Variants in NPAS3 observed in about 807,000 individuals in gnomAD.
NPAS3 encodes the protein neuronal PAS domain-containing protein 3.
In NPAS3, 14 loss-of-function variants were observed where a neutral mutation model predicts 73.1. The ratio of observed to expected loss-of-function variants is 0.19; its 90% CI spans 0.13 to 0.30. The LOEUF (loss-of-function observed/expected upper bound fraction) is 0.30, where lower values mean the gene tolerates loss of function less well. Ranked by LOEUF, NPAS3 falls within the 10% of genes least tolerant of loss-of-function variation. The pLI, the probability that NPAS3 is intolerant of heterozygous loss-of-function variation, is 1.00. For missense variants in NPAS3, 1,096 were observed against 1,250.0 expected, an observed-to-expected ratio of 0.88 and a Z score of 1.86; for synonymous variants, 620 against 541.5, an observed-to-expected ratio of 1.14 and a Z score of -2.01.
chr14:32,941,230 C>CCTCCCCTCCTCCCTCCT lies in NPAS3; in HGVS notation c.50+1864_50+1865insCTCCCCTCCTCCCTCCT, dbSNP rs2035982373. Among the ~76,000 whole-genome samples, 3 of 52,854 alleles carry CCTCCCCTCCTCCCTCCT rather than the reference C, an allele frequency of 5.7e-5. 1 individual carries two copies. The highest frequency in any genetic ancestry group is 2.6e-4 in the African/African-American group (3 of 11,664). 34.7% of individuals were successfully genotyped at this position (52,854 alleles called of 152,430 possible). A position where few individuals can be genotyped will look rare whatever the true frequency, so the allele number is the denominator to read the frequency against. On this transcript the variant is annotated intron_variant, in intron 1 of 11. Transcript: ENST00000356141. ...CTCCCCTTCCCTCCTCCCTCCCTCC[C>CCTCCCCTCCTCCCTCCT]TTCCCCTCCTCCCTCCTTTCCCCTC...
chr14:33,381,179 T>G (rs1452238304), intron 4 of NPAS3, among the ~76,000 whole-genome samples: 1 of 152,222 alleles, frequency 6.6e-6, no homozygotes, highest in Non-Finnish European at 1.5e-5. Flanking sequence ...TATTTAATAA[T>G]GCATAGTAAG....
intron 8 of NPAS3, among the ~76,000 whole-genome samples, chr14:33,777,001 T>G (rs2062841821): frequency 6.6e-6 from 1 of 152,200 alleles, no homozygotes; most frequent in Non-Finnish European, 1.5e-5. Context: ...GAGTGGCTTT[T>G]TCCTGGGGTT....
chr14:32,969,144 TCTCAGTCC>T (rs1413578777), intron 1 of NPAS3, among the ~76,000 whole-genome samples: 1 of 152,164 alleles, frequency 6.6e-6, no homozygotes, highest in Non-Finnish European at 1.5e-5. Flanking sequence ...GTCCTGGTAG[TCTCAGTCC>T]CTCACCTCCT....
chr14:33,447,191 G>C lies in NPAS3; in HGVS notation c.468+79923G>C, dbSNP rs534968409. ...ATCTTAGCTTGGTGGTAGAAGTTCA[G>C]AGAGTCTTTGCAGAGGATAGTACTT... On this transcript the variant is annotated intron_variant, in intron 4 of 11. Coordinates refer to ENST00000356141, the Ensembl canonical transcript of NPAS3. Among the ~76,000 whole-genome samples the C allele has an allele frequency of 2.6e-5, 4 of 152,362 alleles. No homozygotes were observed. In the South Asian group the frequency reaches 8.3e-4, roughly 32 times the overall value.
chr14:33,326,513 T>G (rs2043713957), intron 3 of NPAS3, among the ~76,000 whole-genome samples: 1 of 152,236 alleles, frequency 6.6e-6, no homozygotes, highest in Admixed American at 6.5e-5. Context: ...TGTTTTCGTT[T>G]ACTTTTTAAA....
intron 3 of NPAS3, among the ~76,000 whole-genome samples, chr14:33,254,109 T>C (rs1211542041): frequency 6.6e-6 from 1 of 152,118 alleles, no homozygotes; most frequent in African/African-American, 2.4e-5. Context: ...CTGACTGATG[T>C]TGAAGACTGA....
At chr14:33,051,735 C>A (rs985738881) in intron 1 of NPAS3, among the ~76,000 whole-genome samples, 1 of 152,094 alleles carries the variant, frequency 6.6e-6, no homozygotes, top group Admixed American at 6.5e-5. Flanking sequence ...ATTTAGAATA[C>A]CAATTTAGGG....
At position 33,265,991 on chromosome 14, in the gene NPAS3, T is replaced by C. The variant is rs8013764; in HGVS notation, c.385+50565T>C. Among the ~76,000 whole-genome samples, 815 of 148,722 alleles carry C rather than the reference T, an allele frequency of 5.5e-3. 6 individuals are homozygous for C. The highest frequency in any genetic ancestry group is 0.02 in the African/African-American group (773 of 39,148). ...ATATGCACTTATTTATATACTTAAATATGTAATATAAATAAAAATATATAA... is the reference window on the plus strand; with the variant it reads ...ATATGCACTTATTTATATACTTAAACATGTAATATAAATAAAAATATATAA... On this transcript the variant is annotated intron_variant, in intron 3 of 11. Transcript: ENST00000356141.
chr14:33,676,172 A>T (rs543516893), intron 5 of NPAS3, 39 bp from the exon 6 acceptor site: 1 of 1,605,734 alleles, frequency 6.2e-7, no homozygotes, highest in South Asian at 1.1e-5. Context: ...AGAAGCCTAT[A>T]TAATGTCTTT....
intron 2 of NPAS3, among the ~76,000 whole-genome samples, chr14:33,121,838 AT>A (rs1261590851): frequency 6.6e-6 from 1 of 152,172 alleles, no homozygotes; most frequent in African/African-American, 2.4e-5. Flanking sequence ...GAATTAAAAA[AT>A]GTATTTCTAA....
chr14:32,958,579 G>A (rs1223952914), intron 1 of NPAS3, among the ~76,000 whole-genome samples: 1 of 152,016 alleles, frequency 6.6e-6, no homozygotes, highest in Non-Finnish European at 1.5e-5. Flanking sequence ...CATTCTCATG[G>A]CTTCATAAAA....
At chr14:33,195,325 C>T (rs2046314415) in intron 2 of NPAS3, among the ~76,000 whole-genome samples, 1 of 151,838 alleles carries the variant, frequency 6.6e-6, no homozygotes, top group Non-Finnish European at 1.5e-5. Flanking sequence ...AGCTGGAGTG[C>T]CGTGGCGCAG....
chr14:33,590,670 C>T (rs1252549328), intron 5 of NPAS3, among the ~76,000 whole-genome samples: 1 of 152,088 alleles, frequency 6.6e-6, no homozygotes, highest in Non-Finnish European at 1.5e-5. Flanking sequence ...AAGAGCAAAA[C>T]CCCCAATCCA....
At chr14:33,226,700 A>G (rs761126954) in intron 3 of NPAS3, among the ~76,000 whole-genome samples, 2 of 152,192 alleles carry the variant, frequency 1.3e-5, no homozygotes, top group African/African-American at 2.4e-5. Flanking sequence ...TGAGTGCTCC[A>G]AGGGTGAATG....
At chr14:33,495,460 G>A (rs1246804466) in intron 4 of NPAS3, among the ~76,000 whole-genome samples, 2 of 152,042 alleles carry the variant, frequency 1.3e-5, no homozygotes, top group South Asian at 4.1e-4. Flanking sequence ...TTGATTTGTG[G>A]TGGAGAGTTC....
chr14:33,563,600 G>A (rs1270436399), intron 5 of NPAS3, among the ~76,000 whole-genome samples: 2 of 150,804 alleles, frequency 1.3e-5, no homozygotes, highest in East Asian at 3.9e-4. Flanking sequence ...CAACATCCAA[G>A]AACTGGTTTC....
chr14:33,142,135 A>G (rs1378279914), intron 2 of NPAS3, among the ~76,000 whole-genome samples: 1 of 138,404 alleles, frequency 7.2e-6, no homozygotes, highest in Non-Finnish European at 1.6e-5. Flanking sequence ...TAGCCTTAGT[A>G]CTTTGTACAA....
At chr14:32,979,863 A>G (rs900867640) in intron 1 of NPAS3, among the ~76,000 whole-genome samples, 1 of 152,182 alleles carries the variant, frequency 6.6e-6, no homozygotes, top group Admixed American at 6.5e-5. Flanking sequence ...TTTGTGTTAC[A>G]TTGCCCATTT....
intron 4 of NPAS3, among the ~76,000 whole-genome samples, chr14:33,393,011 C>G (rs1001711561): frequency 7.2e-5 from 11 of 152,094 alleles, no homozygotes; most frequent in African/African-American, 2.7e-4. Flanking sequence ...CCATGACCCT[C>G]TTTTGTGATA....
Sources: gnomAD v4.1 joint callset for allele counts (sites outside exome capture counted in the v4.1 genomes callset) on GRCh38, gnomAD v4.1.1 for gene constraint, MANE v1.5 for transcripts, NCBI Gene and HGNC (gene_info 2026-07-23, HGNC 2026-07-21) for gene names.